The following PARD3B variants were observed in gnomAD, a reference collection of about 807,000 sequenced individuals.
PARD3B encodes par-3 family cell polarity regulator beta.
In PARD3B, 103 loss-of-function variants were observed where a neutral mutation model predicts 130.2. The ratio of observed to expected loss-of-function variants is 0.79; its 90% CI spans 0.67 to 0.93. PARD3B has a LOEUF of 0.93. PARD3B is among the 40% of genes least tolerant of loss of function. The pLI, the probability that PARD3B is intolerant of heterozygous loss-of-function variation, is 0.00. For synonymous variants in PARD3B, 583 were observed against 553.2 expected, an observed-to-expected ratio of 1.05 and a Z score of -0.76; for missense variants, 1,609 against 1,499.2, an observed-to-expected ratio of 1.07 and a Z score of -1.21.
intron 4 of PARD3B, among the ~76,000 whole-genome samples, chr2:205,094,661 C>T (rs1248995215): frequency 2.0e-5 from 3 of 152,102 alleles, no homozygotes; most frequent in Admixed American, 6.6e-5. Context: ...TGAAGATTTT[C>T]GTCATGAAGA....
chr2:205,052,425 A>ATATATATATATATATATATATATG (rs1559390552), intron 4 of PARD3B, among the ~76,000 whole-genome samples: 1 of 14,478 alleles, frequency 6.9e-5, no homozygotes, highest in Non-Finnish European at 1.5e-4. Flanking sequence ...ATATGTATAT[A>ATATATATATATATATATATATATG]TATATATATA....
At chr2:205,588,895 A>C (rs1262195765) in intron 22 of PARD3B, among the ~76,000 whole-genome samples, 2 of 152,170 alleles carry the variant, frequency 1.3e-5, no homozygotes, top group Non-Finnish European at 2.9e-5. Flanking sequence ...CCTGGCTTTC[A>C]AAAGCACAGG....
At chr2:205,249,395 C>A (rs2039740123) in intron 16 of PARD3B, among the ~76,000 whole-genome samples, 1 of 152,062 alleles carries the variant, frequency 6.6e-6, no homozygotes, top group Non-Finnish European at 1.5e-5. Flanking sequence ...GAGTCAGCTA[C>A]TTAGTCTGTA....
At chr2:205,170,934 G>T (rs2035140835) in intron 11 of PARD3B, among the ~76,000 whole-genome samples, 1 of 152,086 alleles carries the variant, frequency 6.6e-6, no homozygotes, top group Non-Finnish European at 1.5e-5. Context: ...GAAACAAAGG[G>T]AATTGTCGTG....
chr2:204,572,236 G>A (rs893569984), intron 1 of PARD3B, among the ~76,000 whole-genome samples: 17 of 152,148 alleles, frequency 1.1e-4, no homozygotes, highest in African/African-American at 4.1e-4. Context: ...TCTAAGATAT[G>A]GGGTGCCTGG....
chr2:205,440,302 G>T lies in PARD3B; in HGVS notation c.2742-68G>T, dbSNP rs530115748. 44 of 1,451,640 alleles carry T rather than the reference G, an allele frequency of 3.0e-5. No individual in the cohort carries two copies. In the Admixed American group the frequency reaches 3.5e-4, roughly 11 times the overall value. 89.9% of individuals were successfully genotyped at this position (1,451,640 alleles called of 1,614,324 possible). A position where few individuals can be genotyped will look rare whatever the true frequency, so the allele number is the denominator to read the frequency against. On this transcript the variant is annotated intron_variant, in intron 19 of 22. Coordinates refer to ENST00000406610, the MANE Select transcript of PARD3B (RefSeq NM_001302769.2). This position sits in a 1 kb window ranked among gnomAD's most constrained non-coding sequence, Gnocchi z 4.2. ...CGAGGAAGAGTTAACATAAATTCAA[G>T]AGAGTATTTCATTGTATTATTATAT... is the stretch of plus-strand genomic sequence containing the variant.
At chr2:205,075,229 G>A (rs1007489571) in intron 4 of PARD3B, among the ~76,000 whole-genome samples, 31 of 152,112 alleles carry the variant, frequency 2.0e-4, no homozygotes, top group Admixed American at 5.9e-4. Context: ...TCACAGTGAA[G>A]GAATGTTTGA....
chr2:205,494,816 A>G (rs1291960364), intron 20 of PARD3B, among the ~76,000 whole-genome samples: 1 of 152,150 alleles, frequency 6.6e-6, no homozygotes, highest in Non-Finnish European at 1.5e-5. Flanking sequence ...CTGGCCCACC[A>G]TTCACCAGTT....
chr2:205,373,280 C>T (rs553209168), intron 18 of PARD3B, among the ~76,000 whole-genome samples: 1 of 152,184 alleles, frequency 6.6e-6, no homozygotes, highest in South Asian at 2.1e-4. Context: ...CTAGTGAGAA[C>T]ACCAGCTCTC....
intron 15 of PARD3B, among the ~76,000 whole-genome samples, chr2:205,223,555 A>G (rs1483458567): frequency 6.6e-6 from 1 of 152,160 alleles, no homozygotes; most frequent in African/African-American, 2.4e-5. Context: ...AATAACCCTG[A>G]GCCTAGATAT....
At chr2:204,632,209 A>G (rs1352208199) in intron 1 of PARD3B, among the ~76,000 whole-genome samples, 1 of 152,020 alleles carries the variant, frequency 6.6e-6, no homozygotes, top group Non-Finnish European at 1.5e-5. Flanking sequence ...TGCTCCCACC[A>G]TGTCAGACGC....
intron 15 of PARD3B, among the ~76,000 whole-genome samples, chr2:205,221,346 A>C (rs749468213): frequency 1.3e-5 from 2 of 152,206 alleles, no homozygotes; most frequent in Non-Finnish European, 2.9e-5. Context: ...CTCCGTAAAC[A>C]TTCATCGGAT....
At chr2:204,902,668 C>CAAAAAA (rs5837941) in intron 2 of PARD3B, among the ~76,000 whole-genome samples, 11 of 67,640 alleles carry the variant, frequency 1.6e-4, no homozygotes, top group South Asian at 6.7e-4. Context: ...GACTCTGTCT[C>CAAAAAA]AAAAAAAAAA....
At position 205,082,919 on chromosome 2, in the gene PARD3B, C is replaced by CTT. The variant is rs34303779; in HGVS notation, c.505-21490_505-21489dup. ...AATTACACCAAAAGTTAAAATATAT[C>CTT]TTTTTTTTTTTTTTTTTTGAGACAC... On this transcript the variant is annotated intron_variant, in intron 4 of 22. Transcript: ENST00000406610. Among the ~76,000 whole-genome samples, 62 of 136,636 alleles carry CTT rather than the reference C, an allele frequency of 4.5e-4. 2 individuals are homozygous for CTT. The highest frequency in any genetic ancestry group is 2.3e-3 in the Admixed American group (30 of 13,270). 89.6% of individuals were successfully genotyped at this position (136,636 alleles called of 152,430 possible). A position where few individuals can be genotyped will look rare whatever the true frequency, so the allele number is the denominator to read the frequency against.
chr2:205,144,908 A>G (rs1315086650), intron 10 of PARD3B, among the ~76,000 whole-genome samples: 2 of 152,186 alleles, frequency 1.3e-5, no homozygotes, highest in Non-Finnish European at 2.9e-5. Context: ...GCTTTAACCA[A>G]CGAAAAGAAA....
Position 205,309,893 on chromosome 2 carries a change from CATCTATCT to C in PARD3B, c.2630+8220_2630+8227del, listed in dbSNP as rs59814500. Among the ~76,000 whole-genome samples the C allele has an allele frequency of 3.2e-3, 487 of 150,668 alleles. 2 individuals carry two copies. The highest frequency in any genetic ancestry group is 0.011 in the African/African-American group (460 of 40,888). On this transcript the variant is annotated intron_variant, in intron 18 of 22. Transcript: ENST00000406610. The surrounding 1 kb of genome is among the most constrained non-coding windows in gnomAD (Gnocchi z 4.7). ...AACTTGATAGACATTACTTCTTATCCATCTATCTATCTATCTATCTATCTATCTATCTA... is the reference window on the plus strand; with the variant it reads ...AACTTGATAGACATTACTTCTTATCCATCTATCTATCTATCTATCTATCTA...
intron 4 of PARD3B, among the ~76,000 whole-genome samples, chr2:205,073,061 A>G (rs2125490565): frequency 6.6e-6 from 1 of 152,318 alleles, no homozygotes; most frequent in African/African-American, 2.4e-5. Context: ...CATGAAATTT[A>G]ATACAAACAT....
intron 3 of PARD3B, among the ~76,000 whole-genome samples, chr2:204,996,300 G>C (rs12467670): frequency 0.11 from 17,225 of 150,912 alleles, 1,419 homozygotes; most frequent in Admixed American, 0.26. Context: ...CCTTCTAACA[G>C]ACAGGACCCT....
intron 2 of PARD3B, among the ~76,000 whole-genome samples, chr2:204,922,271 G>A (rs1324874843): frequency 6.6e-6 from 1 of 152,042 alleles, no homozygotes; most frequent in Non-Finnish European, 1.5e-5. Flanking sequence ...AATAAGCAGT[G>A]AAACCTTGGA....
Sources: allele counts gnomAD v4.1 joint callset (sites outside exome capture counted in the v4.1 genomes callset), GRCh38; gene constraint gnomAD v4.1.1; non-coding constraint Gnocchi (gnomAD v3.1); transcripts MANE v1.5; gene names NCBI Gene and HGNC (gene_info 2026-07-23, HGNC 2026-07-21).